The following PUDP variants were observed in gnomAD, a reference collection of about 807,000 sequenced individuals.
PUDP encodes the protein pseudouridine-5'-phosphatase.
Under a neutral mutation model 9.4 loss-of-function variants are expected in PUDP, and 8 were observed. The observed-to-expected ratio is 0.85, with a 90% confidence interval of 0.50 to 1.53. The LOEUF is 1.53. PUDP is among the 40% of genes most tolerant of loss of function. The pLI is 0.00. For missense variants in PUDP, 188 were observed against 189.7 expected (o/e 0.99, Z 0.05); for synonymous variants, 99 against 80.7 (o/e 1.23, Z -1.22).
chrX:6,969,715 A>T (rs1212781499), intron 3 of PUDP, among the ~76,000 whole-genome samples: 1 of 111,559 alleles, frequency 9.0e-6, no homozygotes, highest in Non-Finnish European at 1.9e-5. Flanking sequence ...AGTGTTGACA[A>T]GAAATTTTCT....
In PUDP at chrX:6,752,643, G is replaced by T. The variant is rs542510119; in HGVS notation, c.*248-46177C>A. Among the ~76,000 whole-genome samples the T allele has an allele frequency of 3.6e-5, 4 of 111,569 alleles. No homozygotes were observed. In the East Asian group the frequency reaches 1.1e-3, roughly 32 times the overall value. ...AACAGAGTGACGTCAGGAAGGCAAAGTCAAGAAGCCCTCAATGATGCTTTG... is the reference window on the plus strand; with the variant it reads ...AACAGAGTGACGTCAGGAAGGCAAATTCAAGAAGCCCTCAATGATGCTTTG... On this transcript the variant is annotated intron_variant and NMD_transcript_variant, in intron 3 of 3. Transcript: ENST00000655425.
chrX:6,933,035 G>A (rs1453667042), intron 3 of PUDP, among the ~76,000 whole-genome samples: 3 of 110,671 alleles, frequency 2.7e-5, no homozygotes, highest in African/African-American at 9.8e-5. Context: ...TCCACCTCTG[G>A]GGGCAGGGCA....
chrX:7,052,223 G>C (rs1480525743), intron 3 of PUDP, among the ~76,000 whole-genome samples: 1 of 110,290 alleles, frequency 9.1e-6, no homozygotes, highest in East Asian at 2.9e-4. Flanking sequence ...TTTCAGTAGA[G>C]ACAGGGTTTC....
chrX:6,916,189 T>C (rs1055895626), intron 3 of PUDP, among the ~76,000 whole-genome samples: 1 of 81,539 alleles, frequency 1.2e-5, no homozygotes, highest in African/African-American at 4.6e-5. Context: ...TCATGCTTTT[T>C]CTACACACAC....
intron 3 of PUDP, among the ~76,000 whole-genome samples, chrX:7,056,215 T>A (rs1414349132): frequency 8.9e-6 from 1 of 112,429 alleles, no homozygotes; most frequent in African/African-American, 3.2e-5. Context: ...CAGACTGACT[T>A]TTCTCTGCAC....
intron 3 of PUDP, among the ~76,000 whole-genome samples, chrX:6,968,328 T>A (rs1928817444): frequency 8.9e-6 from 1 of 111,981 alleles, no homozygotes; most frequent in African/African-American, 3.2e-5. Flanking sequence ...ATCTGATGGA[T>A]CAGTGGAAGG....
chrX:6,769,438 C>G (rs1469967633), intron 3 of PUDP, among the ~76,000 whole-genome samples: 1 of 111,755 alleles, frequency 8.9e-6, no homozygotes, highest in Non-Finnish European at 1.9e-5. Flanking sequence ...CTTCATTAAT[C>G]CACAGAGGCA....
chrX:7,145,505 T>C (rs1374517281), intron 1 of PUDP, among the ~76,000 whole-genome samples: 2 of 111,750 alleles, frequency 1.8e-5, no homozygotes, highest in Non-Finnish European at 3.8e-5. Context: ...CCCTACTCTC[T>C]TTCTCTGAAT....
chrX:6,856,443 C>T (rs746649597), intron 3 of PUDP, among the ~76,000 whole-genome samples: 1 of 111,886 alleles, frequency 8.9e-6, no homozygotes, highest in Admixed American at 9.5e-5. Flanking sequence ...CATTAGGGCA[C>T]CAAAATGCCT....
intron 3 of PUDP, among the ~76,000 whole-genome samples, chrX:7,074,776 G>C (rs1200918664): frequency 8.9e-6 from 1 of 112,290 alleles, no homozygotes; most frequent in African/African-American, 3.2e-5. Flanking sequence ...TTGTAACAGG[G>C]TGCCAAGCAT....
chrX:7,077,360 T>C lies in PUDP; in HGVS notation c.370A>G (p.Thr124Ala), dbSNP rs1224666387. ...SSGSASFDMKTSRHKEFFSLF... is the reference protein window; with the variant it reads ...SSGSASFDMKASRHKEFFSLF... ...CTGAAGAACTCCTTGTGGCGGCTTG[T>C]CTTCATATCGAACGACGCGGACCCC... Residue 124 changes from threonine (T) to alanine (A), a missense_variant, in exon 3 of 4, where the codon ACA becomes GCA. Coordinates refer to ENST00000381077, the MANE Select transcript of PUDP (RefSeq NM_012080.5). The C allele has an allele frequency of 1.7e-6, 2 of 1,208,855 alleles. No individual in the cohort carries two copies. The highest frequency in any genetic ancestry group is 2.2e-6 in the Non-Finnish European group (2 of 894,831).
At chrX:7,098,629 G>A (rs761489831) in intron 2 of PUDP, among the ~76,000 whole-genome samples, 12 of 111,529 alleles carry the variant, frequency 1.1e-4, no homozygotes, top group Non-Finnish European at 2.1e-4. Flanking sequence ...GGAGTGCTCC[G>A]CTGCAGAGCT....
intron 3 of PUDP, among the ~76,000 whole-genome samples, chrX:6,813,274 C>T (rs1026256091): frequency 9.0e-6 from 1 of 111,289 alleles, no homozygotes; most frequent in African/African-American, 3.3e-5. Context: ...AACATAAATA[C>T]AAATAAACAT....
At chrX:6,819,854 C>A (rs1307817158) in intron 3 of PUDP, among the ~76,000 whole-genome samples, 1 of 111,302 alleles carries the variant, frequency 9.0e-6, no homozygotes, top group East Asian at 2.8e-4. Flanking sequence ...GAAGAGAGAA[C>A]ACACAGGGGA....
At chrX:7,010,776 G>A (rs934989344) in intron 1 of PUDP, among the ~76,000 whole-genome samples, 2 of 111,776 alleles carry the variant, frequency 1.8e-5, no homozygotes, top group Non-Finnish European at 3.8e-5. Flanking sequence ...ATGCAACCAA[G>A]ACTGAAGCCC....
At chrX:6,981,006 T>C (rs762515319) in intron 1 of PUDP, among the ~76,000 whole-genome samples, 6 of 111,406 alleles carry the variant, frequency 5.4e-5, no homozygotes, top group Non-Finnish European at 1.1e-4. Flanking sequence ...GAAAAACAGA[T>C]GCTGTGTGAT....
intron 1 of PUDP, among the ~76,000 whole-genome samples, chrX:7,002,216 T>C (rs1929335938): frequency 8.9e-6 from 1 of 112,127 alleles, no homozygotes; most frequent in Non-Finnish European, 1.9e-5. Context: ...ATCTCATTAA[T>C]AATCAGGAAA....
intron 3 of PUDP, among the ~76,000 whole-genome samples, chrX:6,798,256 G>A (rs1450459224): frequency 4.5e-5 from 5 of 111,668 alleles, no homozygotes; most frequent in Non-Finnish European, 5.6e-5. Flanking sequence ...GAAAACTCCT[G>A]TTTGTAAAAC....
intron 1 of PUDP, among the ~76,000 whole-genome samples, chrX:7,119,823 T>C (rs1055217335): frequency 8.9e-6 from 1 of 112,156 alleles, no homozygotes; most frequent in Admixed American, 9.4e-5. Flanking sequence ...TATGAAAACA[T>C]ATCTGTATTG....
Sources: allele counts gnomAD v4.1 joint callset (sites outside exome capture counted in the v4.1 genomes callset), GRCh38; gene constraint gnomAD v4.1.1; transcripts MANE v1.5; gene names NCBI Gene and HGNC (gene_info 2026-07-23, HGNC 2026-07-21).